Variants in CAPZB observed in about 807,000 individuals in gnomAD.
The protein encoded by CAPZB is F-actin-capping protein subunit beta.
Under a neutral mutation model 38.1 loss-of-function variants are expected in CAPZB, and 2 were observed. The ratio of observed to expected loss-of-function variants is 0.05; its 90% CI spans 0.02 to 0.17. The LOEUF (loss-of-function observed/expected upper bound fraction) is 0.17. Ranked by LOEUF, CAPZB falls within the 10% of genes least tolerant of loss-of-function variation. The probability of loss-of-function intolerance (pLI) is 1.00; values close to 1 mark genes in which losing one functional copy is unlikely to be tolerated. For missense variants in CAPZB, 161 were observed against 334.2 expected, an observed-to-expected ratio of 0.48 and a Z score of 4.04; for synonymous variants, 107 against 127.4, an observed-to-expected ratio of 0.84 and a Z score of 1.08.
intron 1 of CAPZB, among the ~76,000 whole-genome samples, chr1:19,462,181 G>A (rs570594436): frequency 3.3e-5 from 5 of 151,920 alleles, no homozygotes; most frequent in South Asian, 2.1e-4. Context: ...GGCCAGGCGC[G>A]GTGGCTCATG....
intron 1 of CAPZB, among the ~76,000 whole-genome samples, chr1:19,479,313 G>C (rs1366935324): frequency 6.6e-6 from 1 of 152,204 alleles, no homozygotes; most frequent in Admixed American, 6.5e-5. Context: ...TTAGGCACCA[G>C]AACCTAATGC....
At chr1:19,366,126 A>T (rs1487460179) in intron 4 of CAPZB, among the ~76,000 whole-genome samples, 1 of 151,624 alleles carries the variant, frequency 6.6e-6, no homozygotes, top group Non-Finnish European at 1.5e-5. Flanking sequence ...GATCTCACCA[A>T]GGAGTAGCAG....
chr1:19,386,414 C>A (rs2094204365), intron 2 of CAPZB, among the ~76,000 whole-genome samples: 1 of 152,216 alleles, frequency 6.6e-6, no homozygotes, highest in Non-Finnish European at 1.5e-5. Flanking sequence ...TTCCTTCAGG[C>A]CTGAGTCACT....
chr1:19,351,394 A>G (rs1309076348), intron 6 of CAPZB, among the ~76,000 whole-genome samples: 1 of 152,012 alleles, frequency 6.6e-6, no homozygotes, highest in Non-Finnish European at 1.5e-5. Context: ...TATAACCTCA[A>G]ACTCCTGGGC....
intron 1 of CAPZB, among the ~76,000 whole-genome samples, chr1:19,422,619 T>C (rs1005222285): frequency 4.6e-5 from 7 of 151,752 alleles, no homozygotes; most frequent in Non-Finnish European, 1.0e-4. Context: ...CGCCTGTAGT[T>C]CCAGCAACTC....
intron 8 of CAPZB, among the ~76,000 whole-genome samples, chr1:19,342,389 G>C (rs7512121): frequency 6.6e-6 from 1 of 152,356 alleles, no homozygotes; most frequent in Non-Finnish European, 1.5e-5. Context: ...CTGAAGCATG[G>C]GGGGGTGGAC....
intron 1 of CAPZB, among the ~76,000 whole-genome samples, chr1:19,467,693 C>A (rs1542875): frequency 0.65 from 98,700 of 152,080 alleles, 32,801 homozygotes; most frequent in Middle Eastern, 0.77. Context: ...CCATTAAATT[C>A]TCTTCCATCT....
intron 1 of CAPZB, among the ~76,000 whole-genome samples, chr1:19,460,499 T>C (rs763306973): frequency 6.6e-6 from 1 of 151,642 alleles, no homozygotes; most frequent in African/African-American, 2.4e-5. Context: ...ATGGTCTCGA[T>C]CTCTTGACCT....
At chr1:19,430,339 A>G (rs1404331833) in intron 1 of CAPZB, among the ~76,000 whole-genome samples, 1 of 152,238 alleles carries the variant, frequency 6.6e-6, no homozygotes, top group Non-Finnish European at 1.5e-5. Context: ...CAGGAAGTGA[A>G]ATATCCGAAA....
At chr1:19,460,166 T>C (rs1410790939) in intron 1 of CAPZB, among the ~76,000 whole-genome samples, 1 of 152,262 alleles carries the variant, frequency 6.6e-6, no homozygotes, top group East Asian at 1.9e-4. Flanking sequence ...CTAGTTTTAC[T>C]GTCACACCTC....
In CAPZB at chr1:19,392,528, T is replaced by TA. The variant is rs58626568; in HGVS notation, c.94-6903dup. ...CTGGCACACTGCTTTTCTTAAGAAT[T>TA]AAAAAAAAAAAAAAAAAAAGGCCAG... On this transcript the variant is annotated intron_variant, in intron 2 of 8. Transcript: ENST00000264202. Among the ~76,000 whole-genome samples, 805 of 129,424 alleles carry TA rather than the reference T, an allele frequency of 6.2e-3. 4 individuals carry two copies. The highest frequency in any genetic ancestry group is 7.6e-3 in the Non-Finnish European group (463 of 60,854). 84.9% of individuals were successfully genotyped at this position (129,424 alleles called of 152,430 possible).
intron 1 of CAPZB, among the ~76,000 whole-genome samples, chr1:19,443,192 A>G (rs2094484331): frequency 6.6e-6 from 1 of 151,734 alleles, no homozygotes; most frequent in African/African-American, 2.4e-5. Flanking sequence ...TTCCGAGACC[A>G]GCCTGGGCAA....
intron 6 of CAPZB, among the ~76,000 whole-genome samples, chr1:19,350,795 T>C (rs997908650): frequency 4.6e-5 from 7 of 152,078 alleles, no homozygotes; most frequent in Non-Finnish European, 8.8e-5. Context: ...TTTGTATTTT[T>C]TGTAGAGAGA....
At chr1:19,484,518 G>A in intron 1 of CAPZB, 1 of 1,348,458 alleles carries the variant, frequency 7.4e-7, no homozygotes, top group East Asian at 3.1e-5. Context: ...TGGGCACACC[G>A]ATGCCCGCCC....
intron 1 of CAPZB, among the ~76,000 whole-genome samples, chr1:19,442,159 G>A (rs538894829): frequency 2.0e-5 from 3 of 151,504 alleles, no homozygotes; most frequent in Non-Finnish European, 4.4e-5. Flanking sequence ...CATTATTACT[G>A]TAATCCTAAA....
chr1:19,464,289 A>ATTTTT (rs891453430), intron 1 of CAPZB, among the ~76,000 whole-genome samples: 1 of 132,556 alleles, frequency 7.5e-6, no homozygotes, highest in Non-Finnish European at 1.6e-5. Context: ...ATCTCTGAAG[A>ATTTTT]TTTTTTTTTT....
chr1:19,399,918 T>C (rs905418540), intron 2 of CAPZB, among the ~76,000 whole-genome samples: 11 of 152,050 alleles, frequency 7.2e-5, no homozygotes, highest in African/African-American at 2.7e-4. Flanking sequence ...ACTCTGAGGC[T>C]CAAACCAACT....
chr1:19,342,399 C>G (rs548459630), intron 8 of CAPZB, among the ~76,000 whole-genome samples: 1 of 152,230 alleles, frequency 6.6e-6, no homozygotes, highest in Non-Finnish European at 1.5e-5. Flanking sequence ...GGGGGGTGGA[C>G]GGCAGGCAGA....
At chr1:19,454,345 C>T (rs925415937) in intron 1 of CAPZB, among the ~76,000 whole-genome samples, 1 of 152,182 alleles carries the variant, frequency 6.6e-6, no homozygotes, top group Non-Finnish European at 1.5e-5. Flanking sequence ...GCAAGTTTGT[C>T]CCATCAGGTC....
Sources: gnomAD v4.1 joint callset for allele counts (sites outside exome capture counted in the v4.1 genomes callset) on GRCh38, gnomAD v4.1.1 for gene constraint, MANE v1.5 for transcripts, NCBI Gene and HGNC (gene_info 2026-07-23, HGNC 2026-07-21) for gene names.